SYT16: variants seen among roughly 807,000 people sequenced by gnomAD.
SYT16 encodes the protein synaptotagmin 16.
In SYT16, 42 loss-of-function variants were observed where a neutral mutation model predicts 61.4. The observed-to-expected ratio is 0.68, with a 90% confidence interval of 0.53 to 0.89. SYT16 has a LOEUF of 0.89. Among genes scored for constraint, SYT16 ranks in the 40% least tolerant of loss-of-function variants. The pLI is 0.00. For missense variants in SYT16, 804 were observed against 807.3 expected (o/e 1.00, Z 0.05); for synonymous variants, 314 against 302.3 (o/e 1.04, Z -0.40).
chr14:62,011,460 G>C (rs536311744), intron 3 of SYT16, among the ~76,000 whole-genome samples: 2 of 152,126 alleles, frequency 1.3e-5, no homozygotes, highest in African/African-American at 2.4e-5. Context: ...CTTGATTCAC[G>C]TGGCTTGACT....
intron 1 of SYT16, among the ~76,000 whole-genome samples, chr14:61,952,412 G>A (rs867526068): frequency 2.6e-5 from 4 of 152,238 alleles, no homozygotes; most frequent in Middle Eastern, 3.4e-3. Context: ...ATGGACTATT[G>A]GTGCATCTCA....
At chr14:61,855,425 A>C (rs534838321) in intron 1 of SYT16, among the ~76,000 whole-genome samples, 1 of 152,378 alleles carries the variant, frequency 6.6e-6, no homozygotes, top group East Asian at 1.9e-4. Flanking sequence ...AGTTTAGCCT[A>C]CACTACCTTT....
intron 2 of SYT16, among the ~76,000 whole-genome samples, chr14:61,991,330 TTGTGTGTG>T (rs71117861): frequency 5.1e-4 from 75 of 146,476 alleles, no homozygotes; most frequent in African/African-American, 1.7e-3. Context: ...TGTTTTTCAT[TTGTGTGTG>T]TGTGTGTGTG....
chr14:62,002,250 G>A (rs2053047475), intron 3 of SYT16, among the ~76,000 whole-genome samples: 1 of 152,200 alleles, frequency 6.6e-6, no homozygotes, highest in East Asian at 1.9e-4. Flanking sequence ...AGTCAGTTTA[G>A]TCAGCATTTG....
intron 1 of SYT16, among the ~76,000 whole-genome samples, chr14:61,952,673 C>G (rs2050719269): frequency 6.6e-6 from 1 of 152,140 alleles, no homozygotes; most frequent in African/African-American, 2.4e-5. Context: ...GTTGTGTTCT[C>G]AAGTGTTTTG....
At position 61,851,808 on chromosome 14, in the gene SYT16, T is replaced by C. The variant is rs533110654; in HGVS notation, c.-325+38998T>C. Reference sequence around the variant, plus strand: ...TAAGTTCCTTGTAGACTCTGGATATTAGACCTTCATCGGATGGATAGATTG... The same window carrying C: ...TAAGTTCCTTGTAGACTCTGGATATCAGACCTTCATCGGATGGATAGATTG... On this transcript the variant is annotated intron_variant, in intron 1 of 7. Transcript: ENST00000683842. Among the ~76,000 whole-genome samples the C allele has an allele frequency of 6.4e-4, 98 of 152,354 alleles. 4 individuals carry two copies. In the South Asian group the frequency reaches 0.019, roughly 29 times the overall value.
intron 5 of SYT16, 120 bp from the exon 6 acceptor site, chr14:62,080,714 G>C: frequency 1.0e-6 from 1 of 971,204 alleles, no homozygotes; most frequent in Admixed American, 2.3e-5. Context: ...CTGATATAGA[G>C]GGAATACACT....
At chr14:61,958,935 T>C (rs2050997826) in intron 1 of SYT16, among the ~76,000 whole-genome samples, 1 of 152,152 alleles carries the variant, frequency 6.6e-6, no homozygotes, top group Non-Finnish European at 1.5e-5. Context: ...GTTTTCATGT[T>C]TGGAGCATAT....
intron 1 of SYT16, among the ~76,000 whole-genome samples, chr14:61,847,452 T>C (rs1023963810): frequency 6.6e-6 from 1 of 152,188 alleles, no homozygotes; most frequent in African/African-American, 2.4e-5. Flanking sequence ...TTTATGTTAG[T>C]TGTTTCTTTT....
chr14:62,036,557 T>C (rs2054515530), intron 3 of SYT16, among the ~76,000 whole-genome samples: 1 of 152,074 alleles, frequency 6.6e-6, no homozygotes, highest in Non-Finnish European at 1.5e-5. Context: ...ACTGCCTAAT[T>C]TATTAAGGAA....
intron 4 of SYT16, among the ~76,000 whole-genome samples, chr14:62,071,571 T>C (rs988816684): frequency 2.0e-5 from 3 of 152,230 alleles, no homozygotes; most frequent in African/African-American, 7.2e-5. Flanking sequence ...TGCCAAACTT[T>C]AGGTTACCAG....
chr14:61,814,839 G>C (rs898287781), intron 1 of SYT16, among the ~76,000 whole-genome samples: 1 of 152,208 alleles, frequency 6.6e-6, no homozygotes, highest in Non-Finnish European at 1.5e-5. Context: ...TTCTCAGTCA[G>C]TGTCTTGAAA....
chr14:62,105,171 C>T lies in SYT16; in HGVS notation c.*4464C>T, dbSNP rs948854038. 6.6e-6 allele frequency: 1 copy of T among 152,124 alleles called. No homozygotes were observed. The highest frequency in any genetic ancestry group is 2.4e-5 in the African/African-American group (1 of 41,430). 9.4% of individuals were successfully genotyped at this position (152,124 alleles called of 1,614,324 possible). A position where few individuals can be genotyped will look rare whatever the true frequency, so the allele number is the denominator to read the frequency against. ...GGTAGAACCAAGTCTTTGCATTTAT[C>T]CCCTTAGTTTGGAGGGAGTACAAAT... is the stretch of plus-strand genomic sequence containing the variant. On this transcript the variant is annotated 3_prime_UTR_variant, in exon 8 of 8. Coordinates refer to ENST00000683842, the MANE Select transcript of SYT16 (RefSeq NM_001367656.1).
At chr14:61,984,915 G>A (rs991871493) in intron 2 of SYT16, among the ~76,000 whole-genome samples, 13 of 152,140 alleles carry the variant, frequency 8.5e-5, no homozygotes, top group African/African-American at 3.1e-4. Context: ...TGTAAAAGGA[G>A]TGTTTTCAAA....
intron 1 of SYT16, among the ~76,000 whole-genome samples, chr14:61,903,618 T>C (rs1156956714): frequency 6.6e-6 from 1 of 152,248 alleles, no homozygotes; most frequent in Non-Finnish European, 1.5e-5. Context: ...TGACTGGGCT[T>C]AATAAATATT....
At chr14:61,927,154 A>G (rs942772347) in intron 1 of SYT16, among the ~76,000 whole-genome samples, 9 of 152,212 alleles carry the variant, frequency 5.9e-5, no homozygotes, top group Non-Finnish European at 1.2e-4. Context: ...ATGCAAAAGC[A>G]GTGATTTTTA....
intron 1 of SYT16, among the ~76,000 whole-genome samples, chr14:61,915,498 CT>C (rs1027022010): frequency 1.3e-5 from 2 of 151,164 alleles, no homozygotes; most frequent in East Asian, 3.9e-4. Flanking sequence ...TTTAGGACAA[CT>C]TTTTTTTTAG....
At chr14:62,088,674 A>C (rs1449695208) in intron 7 of SYT16, among the ~76,000 whole-genome samples, 4 of 152,194 alleles carry the variant, frequency 2.6e-5, no homozygotes, top group African/African-American at 9.7e-5. Flanking sequence ...TGCATGCTGA[A>C]ATTTTTAGCA....
intron 2 of SYT16, among the ~76,000 whole-genome samples, chr14:61,995,049 T>C (rs906158609): frequency 2.0e-5 from 3 of 151,288 alleles, no homozygotes; most frequent in Admixed American, 2.0e-4. Context: ...CAATAAGATA[T>C]ATACACACAT....
Sources: gnomAD v4.1 joint callset for allele counts (sites outside exome capture counted in the v4.1 genomes callset) on GRCh38, gnomAD v4.1.1 for gene constraint, MANE v1.5 for transcripts, NCBI Gene and HGNC (gene_info 2026-07-23, HGNC 2026-07-21) for gene names.